Variants in NR4A2 observed in about 807,000 individuals in gnomAD.
The protein encoded by NR4A2 is NGFI-B/nur77 beta-type transcription factor homolog.
In NR4A2, 1 loss-of-function variant was observed where a neutral mutation model predicts 50.5. The ratio of observed to expected loss-of-function variants is 0.02; its 90% CI spans 0.01 to 0.09. The LOEUF (loss-of-function observed/expected upper bound fraction) is 0.09, where lower values mean the gene tolerates loss of function less well. NR4A2 is among the 10% of genes least tolerant of loss of function. NR4A2 has a pLI of 1.00. For missense variants in NR4A2, 613 were observed against 777.3 expected, an observed-to-expected ratio of 0.79 and a Z score of 2.51; for synonymous variants, 328 against 309.4, an observed-to-expected ratio of 1.06 and a Z score of -0.63.
chr2:156,331,093 G>A (rs978671755), intron 1 of NR4A2, among the ~76,000 whole-genome samples: 4 of 152,230 alleles, frequency 2.6e-5, no homozygotes, highest in Middle Eastern at 3.2e-3. Context: ...TTGCTACAGT[G>A]TAGGTGGAGA....
At position 156,326,119 on chromosome 2, in the gene NR4A2, AG is replaced by A. The variant is rs1239999138; in HGVS notation, c.1540+30del. ...GACAAATCCTGCTAGGCAGTTCTGG[AG>A]GGGAAGCGCCCTGCGCCTGCAGTAC... On this transcript the variant is annotated intron_variant, in intron 7 of 7. Transcript: ENST00000339562. The surrounding 1 kb of genome is among the most constrained non-coding windows in gnomAD (Gnocchi z 4.2). 1 of 1,613,990 alleles carries A rather than the reference AG, an allele frequency of 6.2e-7. No homozygotes were observed.
chr2:156,329,180 G>C lies in NR4A2; in HGVS notation c.864+143C>G, dbSNP rs1360208730. 2.5e-6 allele frequency: 3 copies of C among 1,214,920 alleles called. No homozygotes were observed. The African/African-American group carries it at 4.5e-5, about 18-fold the overall frequency. The allele number at this position is 1,214,920 out of a possible 1,614,324, so 75.3% of individuals were successfully genotyped here. On this transcript the variant is annotated intron_variant, in intron 3 of 7. Coordinates refer to ENST00000339562, the MANE Select transcript of NR4A2 (RefSeq NM_006186.4). This position sits in a 1 kb window ranked among gnomAD's most constrained non-coding sequence, Gnocchi z 7.5. ...CCGCCGCAGCCCATGGTCTCCTGCA[G>C]GGCAGCTTCGGCGGACCCCGGAGAG... is the stretch of plus-strand genomic sequence containing the variant.
Position 156,325,621 on chromosome 2 carries a change from T to TA in NR4A2, c.*122dup. The TA allele has an allele frequency of 7.9e-7, 1 of 1,262,406 alleles. No homozygotes were observed. Among genetic ancestry groups the TA allele is most frequent in the South Asian group, 1.2e-5 (1 of 83,110 alleles). The allele number at this position is 1,262,406 out of a possible 1,614,324, so 78.2% of individuals were successfully genotyped here. ...TAGGGATCAAGGGGGCTAGGAGGGTTACAGAAATGGGGGGCAGCTTGAGCT... is the reference window on the plus strand; with the variant it reads ...TAGGGATCAAGGGGGCTAGGAGGGTTAACAGAAATGGGGGGCAGCTTGAGCT... On this transcript the variant is annotated 3_prime_UTR_variant, in exon 8 of 8. Coordinates refer to ENST00000339562, the MANE Select transcript of NR4A2 (RefSeq NM_006186.4).
At position 156,331,954 on chromosome 2, in the gene NR4A2, T is replaced by G. The variant is rs3769340; in HGVS notation, c.-127+526A>C. 815 of 158,234 alleles carry G rather than the reference T, an allele frequency of 5.2e-3. 49 individuals are homozygous for G. The East Asian group carries it at 0.14, about 26-fold the overall frequency. 9.8% of individuals were successfully genotyped at this position (158,234 alleles called of 1,614,324 possible). A position where few individuals can be genotyped will look rare whatever the true frequency, so the allele number is the denominator to read the frequency against. ...GACAGCATATGTCAAAACCAGAAAT[T>G]TCAGGCAACTTAGTAACAGGACACG... On this transcript the variant is annotated intron_variant, in intron 1 of 7. Coordinates refer to ENST00000339562, the MANE Select transcript of NR4A2 (RefSeq NM_006186.4).
chr2:156,326,107 A>T lies in NR4A2; in HGVS notation c.1540+43T>A. The T allele has an allele frequency of 6.2e-7, 1 of 1,613,724 alleles. No individual in the cohort carries two copies. Among genetic ancestry groups the T allele is most frequent in the Non-Finnish European group, 8.5e-7 (1 of 1,179,712 alleles). ...AGGGAAACTCAGGACAAATCCTGCT[A>T]GGCAGTTCTGGAGGGGAAGCGCCCT... On this transcript the variant is annotated intron_variant, in intron 7 of 7. Coordinates refer to ENST00000339562, the MANE Select transcript of NR4A2 (RefSeq NM_006186.4). The surrounding 1 kb of genome is among the most constrained non-coding windows in gnomAD (Gnocchi z 4.2).
At chr2:156,330,313 G>C in intron 2 of NR4A2, 125 bp from the exon 3 acceptor site, 1 of 1,094,952 alleles carries the variant, frequency 9.1e-7, no homozygotes, top group Non-Finnish European at 1.3e-6. Flanking sequence ...GGGCGCGAGA[G>C]GAAAGGCAGG....
rs1335819485 is a variant in NR4A2, at chr2:156,328,192, T to A, written c.995-178A>T. ...AAAAAATGCGGGGTTATTTTATGTC[T>A]TCCTCCAAATGGGTCGTATAGTTAA... is the stretch of plus-strand genomic sequence containing the variant. On this transcript the variant is annotated intron_variant, in intron 4 of 7. Transcript: ENST00000339562. This position sits in a 1 kb window ranked among gnomAD's most constrained non-coding sequence, Gnocchi z 4.9. 6.6e-6 allele frequency among the ~76,000 whole-genome samples: 1 copy of A among 152,206 alleles called. No homozygotes were observed. Among genetic ancestry groups the A allele is most frequent in the Non-Finnish European group, 1.5e-5 (1 of 68,042 alleles).
At position 156,325,919 on chromosome 2, in the gene NR4A2, A is replaced by G. The variant is rs564766157; in HGVS notation, c.1622T>C (p.Phe541Ser). 6.2e-7 allele frequency: 1 copy of G among 1,614,244 alleles called. No homozygotes were observed. Among genetic ancestry groups the G allele is most frequent in the South Asian group, 1.1e-5 (1 of 91,090 alleles). ...IVNCLKDHVT[F>S]NNGGLNRPNY... is the part of the protein sequence containing the mutation. ...GGGGCGGTTCAACCCCCCATTGTTG[A>G]AAGTCACGTGGTCTTTGAGACAATT... The change falls in exon 8 of 8, where the codon TTC becomes TCC. Residue 541 changes from phenylalanine to serine, a missense_variant. This residue lies in a region of NR4A2 where 250 missense variants were observed against 311.3 expected (regional missense o/e 0.80). Transcript: ENST00000339562.
In NR4A2 at chr2:156,326,184, G is replaced by A. The variant is rs1686633650; in HGVS notation, c.1506C>T (p.Ala502=). The part of the protein sequence containing the change: ...NLQNMNIDIS[A]FSCIAALAMV... ...TAGCCAGGGCAGCAATGCAGGAGAA[G>A]GCAGAAATGTCGATGTTCATATTCT... Residue 502 remains alanine, a synonymous_variant, in exon 7 of 8, where the codon GCC becomes GCT. Coordinates refer to ENST00000339562, the MANE Select transcript of NR4A2 (RefSeq NM_006186.4). The surrounding 1 kb of genome is among the most constrained non-coding windows in gnomAD (Gnocchi z 4.2). 6.2e-7 allele frequency: 1 copy of A among 1,614,232 alleles called. No homozygotes were observed. The highest frequency in any genetic ancestry group is 2.2e-5 in the East Asian group (1 of 44,890).
Position 156,330,705 on chromosome 2 carries a change from G to T in NR4A2, c.-40C>A. On this transcript the variant is annotated 5_prime_UTR_variant, in exon 2 of 8. Coordinates refer to ENST00000339562, the MANE Select transcript of NR4A2 (RefSeq NM_006186.4). Reference sequence around the variant, plus strand: ...TACAGGCGTTTTCGAGGAAATTAAAGGTGGACAGTGTCGTAATTCAATGAA... The same window carrying T: ...TACAGGCGTTTTCGAGGAAATTAAATGTGGACAGTGTCGTAATTCAATGAA... 1 of 1,269,920 alleles carries T rather than the reference G, an allele frequency of 7.9e-7. No individual in the cohort carries two copies. Among genetic ancestry groups the T allele is most frequent in the Non-Finnish European group, 9.9e-7 (1 of 1,008,552 alleles). The allele number at this position is 1,269,920 out of a possible 1,614,324, so 78.7% of individuals were successfully genotyped here. A position where few individuals can be genotyped will look rare whatever the true frequency, so the allele number is the denominator to read the frequency against.
At position 156,328,163 on chromosome 2, in the gene NR4A2, C is replaced by T. The variant is rs992323860; in HGVS notation, c.995-149G>A. On this transcript the variant is annotated intron_variant, in intron 4 of 7. Coordinates refer to ENST00000339562, the MANE Select transcript of NR4A2 (RefSeq NM_006186.4). This position sits in a 1 kb window ranked among gnomAD's most constrained non-coding sequence, Gnocchi z 4.9. ...TTGTAAAGCCTTCACTGACTAGAAG[C>T]ATTAAAAAATGCGGGGTTATTTTAT... 9.4e-6 allele frequency: 11 copies of T among 1,171,726 alleles called. No homozygotes were observed. The African/African-American group carries it at 1.5e-4, about 16-fold the overall frequency. 72.6% of individuals were successfully genotyped at this position (1,171,726 alleles called of 1,614,324 possible).
chr2:156,332,499 G>C lies in NR4A2; in HGVS notation c.-146C>G, dbSNP rs834836. ...ACTCACTTAGGAGTTCTCCGCGTCTGTCTTCATTCATTCAACTCTGCCGAA... is the reference window on the plus strand; with the variant it reads ...ACTCACTTAGGAGTTCTCCGCGTCTCTCTTCATTCATTCAACTCTGCCGAA... On this transcript the variant is annotated 5_prime_UTR_variant, in exon 1 of 8. Transcript: ENST00000339562. The C allele has an allele frequency of 1, 1,286,198 of 1,289,256 alleles. 641,641 individuals are homozygous for C. Among genetic ancestry groups the C allele is most frequent in the East Asian group, 1 (18,024 of 18,024 alleles). 79.9% of individuals were successfully genotyped at this position (1,289,256 alleles called of 1,614,324 possible). A position where few individuals can be genotyped will look rare whatever the true frequency, so the allele number is the denominator to read the frequency against.
chr2:156,328,262 G>C lies in NR4A2; in HGVS notation c.994+142C>G. On this transcript the variant is annotated intron_variant, in intron 4 of 7. Coordinates refer to ENST00000339562, the MANE Select transcript of NR4A2 (RefSeq NM_006186.4). This position sits in a 1 kb window ranked among gnomAD's most constrained non-coding sequence, Gnocchi z 4.9. ...GCTTTCTCTAGGGAAGGCCGGGCAA[G>C]CAGGCAGCTGCAGGGTCCTGGAGGC... The C allele has an allele frequency of 1.4e-6, 2 of 1,386,704 alleles. No homozygotes were observed. The highest frequency in any genetic ancestry group is 2.0e-6 in the Non-Finnish European group (2 of 983,318). The allele number at this position is 1,386,704 out of a possible 1,614,324, so 85.9% of individuals were successfully genotyped here.
intron 1 of NR4A2, among the ~76,000 whole-genome samples, chr2:156,331,524 G>C (rs1347465339): frequency 6.6e-6 from 1 of 152,152 alleles, no homozygotes; most frequent in Non-Finnish European, 1.5e-5. Context: ...CTGCTTATAT[G>C]GTATTGGCAC....
intron 5 of NR4A2, among the ~76,000 whole-genome samples, chr2:156,327,585 A>T (rs1468810820): frequency 1.3e-5 from 2 of 152,042 alleles, no homozygotes; most frequent in African/African-American, 2.4e-5. Context: ...GCGATGGGGT[A>T]GTGGGGTAGT....
At position 156,326,354 on chromosome 2, in the gene NR4A2, G is replaced by GGGGAGAAAAAGAGAGAGAA; in HGVS notation, c.1362-27_1362-26insTTCTCTCTCTTTTTCTCCC. 6.2e-7 allele frequency: 1 copy of GGGGAGAAAAAGAGAGAGAA among 1,603,680 alleles called. No homozygotes were observed. The highest frequency in any genetic ancestry group is 8.5e-7 in the Non-Finnish European group (1 of 1,170,496). On this transcript the variant is annotated intron_variant, in intron 6 of 7. Transcript: ENST00000339562. The surrounding 1 kb of genome is among the most constrained non-coding windows in gnomAD (Gnocchi z 4.2). The stretch of plus-strand genomic sequence containing the variant: ...CTGCAATTAATACCAAAGAGAGAGA[G>GGGGAGAAAAAGAGAGAGAA]GGGAGAAAAAGAGAGAGAGAAAAGC...
Position 156,327,953 on chromosome 2 carries a change from T to A in NR4A2, c.1056A>T (p.Pro352=). 1 of 1,599,626 alleles carries A rather than the reference T, an allele frequency of 6.3e-7. No individual in the cohort carries two copies. Among genetic ancestry groups the A allele is most frequent in the East Asian group, 2.2e-5 (1 of 44,596 alleles). ...RGRLPSKPKS[P]QEPSPPSPPV... is the part of the protein sequence containing the mutation. ...GGGGCGAAGGGGGAGAGGGCTCCTG[T>A]GGGCTCTTCGGTTTCGAGGGCAAAC... is the stretch of plus-strand genomic sequence containing the variant. The change falls in exon 5 of 8, where the codon CCA becomes CCT. Residue 352 remains proline (P), a synonymous_variant. Transcript: ENST00000339562.
In NR4A2 at chr2:156,326,557, C is replaced by A. The variant is rs965338048; in HGVS notation, c.1361+161G>T. Among the ~76,000 whole-genome samples the A allele has an allele frequency of 1.3e-5, 2 of 152,144 alleles. No individual in the cohort carries two copies. Among genetic ancestry groups the A allele is most frequent in the Non-Finnish European group, 2.9e-5 (2 of 68,018 alleles). Reference sequence around the variant, plus strand: ...CAAGGCTTCTGGGCTCGCTTCTTCTCGTCTTTTTTTGTTTTCTTTCTTTTT... The same window carrying A: ...CAAGGCTTCTGGGCTCGCTTCTTCTAGTCTTTTTTTGTTTTCTTTCTTTTT... On this transcript the variant is annotated intron_variant, in intron 6 of 7. Coordinates refer to ENST00000339562, the MANE Select transcript of NR4A2 (RefSeq NM_006186.4). This position sits in a 1 kb window ranked among gnomAD's most constrained non-coding sequence, Gnocchi z 4.2.
intron 2 of NR4A2, 31 bp downstream of exon 2, chr2:156,330,637 G>A (rs1227937582): frequency 1.5e-6 from 2 of 1,324,342 alleles, no homozygotes; most frequent in East Asian, 5.4e-5. Context: ...GAGCTCTGGA[G>A]AGTAAAGGAA....
Sources: allele counts gnomAD v4.1 joint callset (sites outside exome capture counted in the v4.1 genomes callset), GRCh38; gene constraint gnomAD v4.1.1; regional missense constraint gnomAD v4.1.1; non-coding constraint Gnocchi (gnomAD v3.1); transcripts MANE v1.5; gene names NCBI Gene and HGNC (gene_info 2026-07-23, HGNC 2026-07-21).